The following GALNT14 variants were observed in gnomAD, a reference collection of about 807,000 sequenced individuals.
The protein encoded by GALNT14 is UDP-GalNAc:polypeptide N-acetylgalactosaminyltransferase 14.
GALNT14 carries 60 observed loss-of-function variants against 77.5 expected under a neutral mutation model. That is an observed-to-expected ratio of 0.77 (90% CI 0.63 to 0.96). The LOEUF is 0.96. Among genes scored for constraint, GALNT14 ranks in the 40% least tolerant of loss-of-function variants. The pLI is 0.00. For synonymous variants in GALNT14, 280 were observed against 281.7 expected (o/e 0.99, Z 0.06); for missense variants, 710 against 731.0 (o/e 0.97, Z 0.33).
chr2:31,132,138 G>A (rs1239475633), intron 1 of GALNT14, among the ~76,000 whole-genome samples: 1 of 152,156 alleles, frequency 6.6e-6, no homozygotes, highest in Non-Finnish European at 1.5e-5. Context: ...GGCTAGGAGA[G>A]TGAAAGGAAG....
chr2:31,108,816 C>T (rs1677693274), intron 1 of GALNT14, among the ~76,000 whole-genome samples: 2 of 152,184 alleles, frequency 1.3e-5, no homozygotes. Flanking sequence ...GCTCCCTGCT[C>T]CCTACTGAGC....
intron 9 of GALNT14, among the ~76,000 whole-genome samples, chr2:30,935,867 G>A (rs900491348): frequency 1.3e-5 from 2 of 152,198 alleles, no homozygotes; most frequent in African/African-American, 4.8e-5. Flanking sequence ...CACGTGTGAG[G>A]TGGTGGACCT....
At chr2:30,920,023 C>T (rs1346641782) in intron 13 of GALNT14, among the ~76,000 whole-genome samples, 1 of 152,124 alleles carries the variant, frequency 6.6e-6, no homozygotes, top group Non-Finnish European at 1.5e-5. Flanking sequence ...TGCCACTCTC[C>T]CCTGTCAAGG....
chr2:31,129,711 T>G, intron 1 of GALNT14: 133 of 672,950 alleles, frequency 2.0e-4, no homozygotes, highest in Non-Finnish European at 2.2e-4. Flanking sequence ...CCAGTCTCTA[T>G]GGCTGGGAGG....
At chr2:30,952,913 C>A (rs574952487) in intron 6 of GALNT14, among the ~76,000 whole-genome samples, 2 of 152,268 alleles carry the variant, frequency 1.3e-5, no homozygotes, top group South Asian at 4.1e-4. Flanking sequence ...TTCCACTATA[C>A]TGCAGTCCCT....
chr2:31,100,345 G>A (rs953933355), intron 1 of GALNT14, among the ~76,000 whole-genome samples: 1 of 152,028 alleles, frequency 6.6e-6, no homozygotes, highest in Non-Finnish European at 1.5e-5. Flanking sequence ...CCTCAATGTT[G>A]AGGACTTACT....
rs187361217 is a variant in GALNT14, at chr2:31,032,241, G to T, written c.130-39234C>A. ...GTGGTCCTTTGTGCCCATGATCCCT[G>T]GGGAACTGGTGGGGATGGCTGGTTG... On this transcript the variant is annotated intron_variant, in intron 1 of 14. Coordinates refer to ENST00000349752, the MANE Select transcript of GALNT14 (RefSeq NM_024572.4). Among the ~76,000 whole-genome samples the T allele has an allele frequency of 3.2e-3, 491 of 152,300 alleles. 6 individuals are homozygous for T. Among genetic ancestry groups the T allele is most frequent in the African/African-American group, 0.011 (475 of 41,546 alleles).
At chr2:30,938,384 A>ACTCTCTCT (rs1553339835) in intron 9 of GALNT14, among the ~76,000 whole-genome samples, 21 of 141,780 alleles carry the variant, frequency 1.5e-4, no homozygotes, top group African/African-American at 5.5e-4. Context: ...ACACACACAC[A>ACTCTCTCT]CTCTCTCTCT....
intron 11 of GALNT14, among the ~76,000 whole-genome samples, chr2:30,926,856 A>G (rs562713565): frequency 1.3e-4 from 20 of 152,146 alleles, no homozygotes; most frequent in Middle Eastern, 3.2e-3. Flanking sequence ...CTTGGGGGCC[A>G]GGAGAAAGGA....
intron 13 of GALNT14, among the ~76,000 whole-genome samples, chr2:30,922,359 C>T (rs549384754): frequency 6.6e-5 from 10 of 152,322 alleles, no homozygotes; most frequent in African/African-American, 2.4e-4. Context: ...CCAACCCTCT[C>T]CTGAGATCTC....
chr2:30,912,259 C>T lies in GALNT14; in HGVS notation c.1464G>A (p.Val488=). ...SVITLFPGAP[V]VLVLCKNGDD... ...CTCCATTCTTGCAAAGGACAAGAAC[C>T]ACTGGGGCGCCAGGGAACAAGGTGA... The change falls in exon 14 of 15, where the codon GTG becomes GTA. Residue 488 remains valine (V), a synonymous_variant. Coordinates refer to ENST00000349752, the MANE Select transcript of GALNT14 (RefSeq NM_024572.4). The T allele has an allele frequency of 6.2e-7, 1 of 1,614,186 alleles. No individual in the cohort carries two copies.
chr2:31,028,361 C>T (rs986600391), intron 1 of GALNT14, among the ~76,000 whole-genome samples: 15 of 152,198 alleles, frequency 9.9e-5, no homozygotes, highest in African/African-American at 3.1e-4. Flanking sequence ...CCCACCATGG[C>T]GGAAAGCCAG....
intron 2 of GALNT14, among the ~76,000 whole-genome samples, chr2:30,988,506 G>A (rs894552230): frequency 2.6e-5 from 4 of 152,228 alleles, no homozygotes; most frequent in African/African-American, 9.6e-5. Context: ...AGGAACCAGA[G>A]AGGCCAAAGT....
intron 1 of GALNT14, among the ~76,000 whole-genome samples, chr2:31,035,387 T>G (rs1672651985): frequency 6.6e-6 from 1 of 151,936 alleles, no homozygotes; most frequent in East Asian, 1.9e-4. Flanking sequence ...AAGTCTATTC[T>G]GTGCAATATT....
At chr2:30,932,950 T>C (rs1665829278) in intron 9 of GALNT14, among the ~76,000 whole-genome samples, 1 of 152,152 alleles carries the variant, frequency 6.6e-6, no homozygotes, top group Admixed American at 6.5e-5. Context: ...TTCTTCCTGG[T>C]TGGCTGCTGC....
intron 2 of GALNT14, among the ~76,000 whole-genome samples, chr2:30,975,173 G>A (rs1668562824): frequency 6.6e-6 from 1 of 152,240 alleles, no homozygotes; most frequent in African/African-American, 2.4e-5. Flanking sequence ...GGCATCTGGT[G>A]TCCGTGGAGA....
At chr2:31,050,032 T>C (rs6753943) in intron 1 of GALNT14, among the ~76,000 whole-genome samples, 113,418 of 151,944 alleles carry the variant, frequency 0.75, 42,604 homozygotes, top group East Asian at 1. Flanking sequence ...GGTTCCCAGA[T>C]TCTCTGACCA....
downstream of GALNT14, among the ~76,000 whole-genome samples, chr2:30,908,747 C>T: frequency 8.0e-6 from 1 of 125,670 alleles, no homozygotes; most frequent in Non-Finnish European, 1.6e-5. Context: ...GCCCGCATCG[C>T]CAAGTCAATC....
chr2:30,986,712 G>A (rs980082894), intron 2 of GALNT14, among the ~76,000 whole-genome samples: 4 of 152,190 alleles, frequency 2.6e-5, no homozygotes, highest in African/African-American at 9.7e-5. Flanking sequence ...ACTCACCCCA[G>A]CTGGAAGTTG....
Sources: allele counts gnomAD v4.1 joint callset (sites outside exome capture counted in the v4.1 genomes callset), GRCh38; gene constraint gnomAD v4.1.1; transcripts MANE v1.5; gene names NCBI Gene and HGNC (gene_info 2026-07-23, HGNC 2026-07-21).